The following DDHD1 variants were observed in gnomAD, a reference collection of about 807,000 sequenced individuals.
The protein encoded by DDHD1 is DDHD domain containing 1.
In DDHD1, 49 loss-of-function variants were observed where a neutral mutation model predicts 96.4. The observed-to-expected ratio is 0.51, with a 90% confidence interval of 0.40 to 0.64. The LOEUF is 0.64. Ranked by LOEUF, DDHD1 falls within the 30% of genes least tolerant of loss-of-function variation. The pLI is 0.00. For synonymous variants in DDHD1, 442 were observed against 446.5 expected (o/e 0.99, Z 0.13); for missense variants, 1,106 against 1,161.2 (o/e 0.95, Z 0.69).
intron 10 of DDHD1, 130 bp downstream of exon 10, chr14:53,055,530 G>A: frequency 1.2e-6 from 1 of 856,144 alleles, no homozygotes; most frequent in South Asian, 1.7e-5. Context: ...AACATTGGGA[G>A]GGTAGTTAAT....
At chr14:53,125,856 C>T (rs528596786) in intron 1 of DDHD1, among the ~76,000 whole-genome samples, 8 of 152,264 alleles carry the variant, frequency 5.3e-5, no homozygotes, top group African/African-American at 1.9e-4. Flanking sequence ...TACCCACTAC[C>T]ATGCCCGGCT....
intron 2 of DDHD1, chr14:53,103,153 T>C: frequency 8.5e-7 from 1 of 1,178,014 alleles, no homozygotes; most frequent in Non-Finnish European, 1.2e-6. Flanking sequence ...TCTTAGCTAC[T>C]ATACAGTATT....
rs17126074 is a variant in DDHD1, at chr14:53,044,016, T to G, written c.*2752A>C. On this transcript the variant is annotated 3_prime_UTR_variant, in exon 13 of 13. Transcript: ENST00000673822. ...CAAAAACAAAACTTTTTTTGGCCGA[T>G]TTAGTACTTGCTGGAATAAAGTTGC... The G allele has an allele frequency of 6.6e-6, 1 of 152,090 alleles. No individual in the cohort carries two copies. The highest frequency in any genetic ancestry group is 1.5e-5 in the Non-Finnish European group (1 of 68,024). The allele number at this position is 152,090 out of a possible 1,614,324, so 9.4% of individuals were successfully genotyped here. A position where few individuals can be genotyped will look rare whatever the true frequency, so the allele number is the denominator to read the frequency against.
rs899518972 is a variant in DDHD1, at chr14:53,055,666, T to C, written c.2239A>G (p.Ile747Val). ...AATACATAAGAGAAATTACCTAATA[T>C]GCTTGCTTTGCCTATATTTGTTATA... ...ESITNIGKAS[I>V]LGAASIGKGL... Residue 747 changes from isoleucine to valine, a missense_variant, in exon 10 of 13, where the codon ATA becomes GTA. Physicochemically the swap from Ile to Val is conservative, Grantham distance 29 (BLOSUM62 3). Around this residue, in one of 2 missense-constraint regions of DDHD1, gnomAD observed 650 missense variants for 758.8 expected, o/e 0.86. Transcript: ENST00000673822. 6.2e-7 allele frequency: 1 copy of C among 1,613,922 alleles called. No homozygotes were observed. The highest frequency in any genetic ancestry group is 8.5e-7 in the Non-Finnish European group (1 of 1,179,920).
chr14:53,120,287 A>G (rs1396018205), intron 1 of DDHD1, among the ~76,000 whole-genome samples: 1 of 152,248 alleles, frequency 6.6e-6, no homozygotes, highest in African/African-American at 2.4e-5. Context: ...CCACTGTTCA[A>G]CAAAATAAAA....
In DDHD1 at chr14:53,093,376, T is replaced by C; in HGVS notation, c.1081A>G (p.Ser361Gly). 6.2e-7 allele frequency: 1 copy of C among 1,613,138 alleles called. No individual in the cohort carries two copies. The highest frequency in any genetic ancestry group is 8.5e-7 in the Non-Finnish European group (1 of 1,179,706). Residue 361 changes from serine to glycine, a missense_variant, in exon 3 of 13, where the codon AGT (serine) becomes GGT (glycine). This residue lies in a region of DDHD1 where 650 missense variants were observed against 758.8 expected (regional missense o/e 0.86). Transcript: ENST00000673822. ...WHSVDEVYLY[S>G]DATTSKIART... ...GCAATTTTAGATGTTGTTGCATCACTATAAAGATATACTTCATCCACACTG... is the reference window on the plus strand; with the variant it reads ...GCAATTTTAGATGTTGTTGCATCACCATAAAGATATACTTCATCCACACTG...
chr14:53,089,045 T>C (rs1484992044), intron 4 of DDHD1, among the ~76,000 whole-genome samples: 1 of 152,132 alleles, frequency 6.6e-6, no homozygotes, highest in African/African-American at 2.4e-5. Flanking sequence ...AGACAAATCA[T>C]GAGTGAACTC....
chr14:53,047,853 C>T (rs1313969194), intron 12 of DDHD1, among the ~76,000 whole-genome samples: 1 of 152,122 alleles, frequency 6.6e-6, no homozygotes, highest in Non-Finnish European at 1.5e-5. Context: ...CTTAGGAACT[C>T]CTTTAAACTG....
Position 53,044,017 on chromosome 14 carries a change from T to A in DDHD1, c.*2751A>T, listed in dbSNP as rs1881841609. 1 of 152,180 alleles carries A rather than the reference T, an allele frequency of 6.6e-6. No individual in the cohort carries two copies. Among genetic ancestry groups the A allele is most frequent in the East Asian group, 1.9e-4 (1 of 5,198 alleles). The allele number at this position is 152,180 out of a possible 1,614,324, so 9.4% of individuals were successfully genotyped here. ...AAAAACAAAACTTTTTTTGGCCGAT[T>A]TAGTACTTGCTGGAATAAAGTTGCA... is the stretch of plus-strand genomic sequence containing the variant. On this transcript the variant is annotated 3_prime_UTR_variant, in exon 13 of 13. Coordinates refer to ENST00000673822, the MANE Select transcript of DDHD1 (RefSeq NM_001160148.2).
Position 53,039,618 on chromosome 14 carries a change from C to G in DDHD1, c.*7150G>C, listed in dbSNP as rs1250468883. 1.3e-5 allele frequency: 2 copies of G among 152,254 alleles called. No individual in the cohort carries two copies. Among genetic ancestry groups the G allele is most frequent in the African/African-American group, 4.8e-5 (2 of 41,428 alleles). The allele number at this position is 152,254 out of a possible 1,614,324, so 9.4% of individuals were successfully genotyped here. ...AAACAGGATGCTGGGCAGACAAAAA[C>G]AGGTAGCCAGTACAATAACTAAAAT... On this transcript the variant is annotated 3_prime_UTR_variant, in exon 13 of 13. Coordinates refer to ENST00000673822, the MANE Select transcript of DDHD1 (RefSeq NM_001160148.2).
At chr14:53,054,849 A>G (rs1025321314) in intron 10 of DDHD1, among the ~76,000 whole-genome samples, 6 of 152,212 alleles carry the variant, frequency 3.9e-5, no homozygotes, top group African/African-American at 1.4e-4. Context: ...TAACACAGGA[A>G]TATATAAACA....
At chr14:53,143,422 T>A (rs1355256665) in intron 1 of DDHD1, among the ~76,000 whole-genome samples, 1 of 152,226 alleles carries the variant, frequency 6.6e-6, no homozygotes, top group African/African-American at 2.4e-5. Flanking sequence ...CAAGGCCATT[T>A]TTACTTTCTG....
intron 1 of DDHD1, among the ~76,000 whole-genome samples, chr14:53,126,686 A>G (rs1412840827): frequency 6.6e-6 from 1 of 152,180 alleles, no homozygotes; most frequent in Non-Finnish European, 1.5e-5. Context: ...TCTTTCTTTA[A>G]GACTCATATC....
At chr14:53,111,186 T>A (rs1595194021) in intron 1 of DDHD1, among the ~76,000 whole-genome samples, 1 of 152,228 alleles carries the variant, frequency 6.6e-6, no homozygotes, top group African/African-American at 2.4e-5. Context: ...CCGGGCGCGG[T>A]GGCTCACGCC....
chr14:53,090,936 A>G (rs2139671925), intron 4 of DDHD1, among the ~76,000 whole-genome samples: 1 of 152,284 alleles, frequency 6.6e-6, no homozygotes, highest in South Asian at 2.1e-4. Context: ...AGATGTTACA[A>G]TAAAAAGTGA....
At chr14:53,093,623 G>A in intron 2 of DDHD1, 179 bp from the exon 3 acceptor site, 1 of 663,770 alleles carries the variant, frequency 1.5e-6, no homozygotes, top group East Asian at 3.5e-5. Flanking sequence ...AATGGATAGG[G>A]ACTTTATTTT....
At chr14:53,072,552 C>A in intron 6 of DDHD1, 45 bp downstream of exon 6, 1 of 1,103,212 alleles carries the variant, frequency 9.1e-7, no homozygotes. Flanking sequence ...CATTTATAAG[C>A]TATCACTAAA....
chr14:53,114,263 C>T (rs572966837), intron 1 of DDHD1, among the ~76,000 whole-genome samples: 16 of 152,334 alleles, frequency 1.1e-4, no homozygotes, highest in African/African-American at 3.8e-4. Flanking sequence ...GACACAGCAC[C>T]TGGGGGAAGG....
At position 53,152,615 on chromosome 14, in the gene DDHD1, C is replaced by G. The variant is rs1184737586; in HGVS notation, c.484G>C (p.Glu162Gln). 2.5e-6 allele frequency: 4 copies of G among 1,613,558 alleles called. No homozygotes were observed. The highest frequency in any genetic ancestry group is 3.4e-6 in the Non-Finnish European group (4 of 1,179,964). ...AARHRYEVVT[E>Q]LGPEEVRWFY... ...CAGCGTACCTCCTCCGGGCCCAGCT[C>G]CGTCACTACCTCATAGCGGTGCCGG... Residue 162 changes from glutamate to glutamine, a missense_variant, in exon 1 of 13, where the codon GAG (glutamate) becomes CAG (glutamine). Around this residue, in one of 2 missense-constraint regions of DDHD1, gnomAD observed 456 missense variants for 402.4 expected, o/e 1.13. Transcript: ENST00000673822.
Sources: allele counts gnomAD v4.1 joint callset (sites outside exome capture counted in the v4.1 genomes callset), GRCh38; gene constraint gnomAD v4.1.1; regional missense constraint gnomAD v4.1.1; transcripts MANE v1.5; gene names NCBI Gene and HGNC (gene_info 2026-07-23, HGNC 2026-07-21).